Variants in VIRMA observed in about 807,000 individuals in gnomAD.
The protein encoded by VIRMA is vir like m6A methyltransferase associated.
VIRMA carries 65 observed loss-of-function variants against 182.4 expected under a neutral mutation model. That is an observed-to-expected ratio of 0.36 (90% CI 0.29 to 0.44). The LOEUF is 0.44. Among genes scored for constraint, VIRMA ranks in the 20% least tolerant of loss-of-function variants. VIRMA has a pLI of 1.00. For missense variants in VIRMA, 1,752 were observed against 2,158.1 expected, an observed-to-expected ratio of 0.81 and a Z score of 3.73; for synonymous variants, 709 against 743.1, an observed-to-expected ratio of 0.95 and a Z score of 0.75.
At chr8:94,518,172 A>C (rs1814627691) in intron 9 of VIRMA, among the ~76,000 whole-genome samples, 1 of 152,236 alleles carries the variant, frequency 6.6e-6, no homozygotes, top group African/African-American at 2.4e-5. Context: ...ATGGAAAGTA[A>C]AATTCTATTA....
At chr8:94,499,708 A>G (rs1010024554) in intron 16 of VIRMA, among the ~76,000 whole-genome samples, 2 of 152,154 alleles carry the variant, frequency 1.3e-5, no homozygotes, top group African/African-American at 2.4e-5. Context: ...GCTAAGCTTC[A>G]AGATCTTAAA....
chr8:94,512,895 G>GTCTA (rs1814426963), intron 11 of VIRMA, among the ~76,000 whole-genome samples: 1 of 152,204 alleles, frequency 6.6e-6, no homozygotes, highest in South Asian at 2.1e-4. Flanking sequence ...TACCAACAGA[G>GTCTA]TCTAGTATTG....
intron 15 of VIRMA, among the ~76,000 whole-genome samples, chr8:94,509,173 G>A (rs192157919): frequency 1.8e-3 from 274 of 152,236 alleles, no homozygotes; most frequent in African/African-American, 6.4e-3. Flanking sequence ...GGCCGAGGCA[G>A]GTGGATCACC....
chr8:94,538,596 C>T (rs1042074564), intron 2 of VIRMA, among the ~76,000 whole-genome samples: 4 of 151,988 alleles, frequency 2.6e-5, no homozygotes, highest in Non-Finnish European at 4.4e-5. Flanking sequence ...TTTTTGCATG[C>T]TATCACTATT....
chr8:94,535,152 C>G (rs1815296578), intron 4 of VIRMA, 145 bp from the exon 5 acceptor site: 1 of 1,231,706 alleles, frequency 8.1e-7, no homozygotes, highest in Non-Finnish European at 1.1e-6. Flanking sequence ...TGAAATTTAC[C>G]TAGGCACAGC....
chr8:94,510,312 T>C (rs1814318444), intron 14 of VIRMA, 105 bp downstream of exon 14: 1 of 764,426 alleles, frequency 1.3e-6, no homozygotes, highest in Admixed American at 2.3e-5. Flanking sequence ...TACATGTATA[T>C]ATGTTATCTG....
chr8:94,529,260 C>G lies in VIRMA; in HGVS notation c.690G>C (p.Gln230His). Residue 230 changes from glutamine (Q) to histidine (H), a missense_variant, in exon 7 of 24, where the codon CAG becomes CAC. By Grantham distance (24) the Gln-to-His change is conservative (BLOSUM62 0). Around this residue, in one of 11 missense-constraint regions of VIRMA, gnomAD observed 114 missense variants for 106.9 expected, o/e 1.07. Transcript: ENST00000297591. ...PISPDRNSVP[Q>H]EGQYSDEGEV... ...CTCCTTCATCAGAATATTGCCCTTC[C>G]TGGGGAACAGAATTCCGATCAGGAG... 6.2e-7 allele frequency: 1 copy of G among 1,611,470 alleles called. No individual in the cohort carries two copies. Among genetic ancestry groups the G allele is most frequent in the Non-Finnish European group, 8.5e-7 (1 of 1,177,684 alleles).
Position 94,495,791 on chromosome 8 carries a change from T to A in VIRMA, c.4484A>T (p.Asp1495Val), listed in dbSNP as rs566504056. Reference sequence around the variant, plus strand: ...TGAAAGTACTGGTTCTACATCCTGGTCACTGAGAGGTAAAGGGTCACCTGA... The same window carrying A: ...TGAAAGTACTGGTTCTACATCCTGGACACTGAGAGGTAAAGGGTCACCTGA... The part of the protein sequence containing the change: ...ESSGDPLPLS[D>V]QDVEPVLSAP... Residue 1495 changes from aspartate (D) to valine (V), a missense_variant, in exon 19 of 24, where the codon GAC becomes GTC. Physicochemically the swap from Asp to Val is radical, Grantham distance 152 (BLOSUM62 -3). This residue lies in a region of VIRMA where 777 missense variants were observed against 920.6 expected (regional missense o/e 0.84). Transcript: ENST00000297591. 1.2e-6 allele frequency: 2 copies of A among 1,614,032 alleles called. No individual in the cohort carries two copies. The highest frequency in any genetic ancestry group is 2.2e-5 in the South Asian group (2 of 91,080).
At chr8:94,494,736 G>T in intron 20 of VIRMA, 124 bp downstream of exon 20, 4 of 582,692 alleles carry the variant, frequency 6.9e-6, no homozygotes, top group East Asian at 3.5e-5. Context: ...TAAAAATAAT[G>T]TAGGACTTGC....
In VIRMA at chr8:94,511,334, T is replaced by C. The variant is rs1296748467; in HGVS notation, c.3241A>G (p.Ile1081Val). The change falls in exon 13 of 24, where the codon ATC (isoleucine) becomes GTC (valine). Residue 1081 changes from isoleucine (I) to valine (V), a missense_variant. Physicochemically the swap from Ile to Val is conservative, Grantham distance 29. This residue lies in a region of VIRMA where 777 missense variants were observed against 920.6 expected (regional missense o/e 0.84). Transcript: ENST00000297591. ...FTQGVNEKLT[I>V]SEETLANNTW... is the part of the protein sequence containing the mutation. The stretch of plus-strand genomic sequence containing the variant: ...TTATTGGCCAGAGTCTCTTCTGAGA[T>C]TGTGAGTTTTTCATTAACTCCTTGT... 4 of 1,613,734 alleles carry C rather than the reference T, an allele frequency of 2.5e-6. No homozygotes were observed. Among genetic ancestry groups the C allele is most frequent in the East Asian group, 2.2e-5 (1 of 44,866 alleles).
Position 94,511,991 on chromosome 8 carries a change from A to G in VIRMA, c.2845+5T>C. On this transcript the variant is annotated splice_donor_5th_base_variant and intron_variant, in intron 12 of 23. Transcript: ENST00000297591. ...GTAGTTTTTAAAATACAGTAGCCAC[A>G]TTACCTTCAACAGGAGGTGGTGGGC... 6.6e-7 allele frequency: 1 copy of G among 1,505,918 alleles called. No homozygotes were observed. The highest frequency in any genetic ancestry group is 8.9e-7 in the Non-Finnish European group (1 of 1,119,690). 93.3% of individuals were successfully genotyped at this position (1,505,918 alleles called of 1,614,324 possible). A position where few individuals can be genotyped will look rare whatever the true frequency, so the allele number is the denominator to read the frequency against.
Position 94,510,067 on chromosome 8 carries a change from T to C in VIRMA, c.3627-127A>G, listed in dbSNP as rs1313233428. The C allele has an allele frequency of 5.0e-5, 41 of 819,094 alleles. No homozygotes were observed. In the East Asian group the frequency reaches 9.2e-4, roughly 18 times the overall value. The allele number at this position is 819,094 out of a possible 1,614,324, so 50.7% of individuals were successfully genotyped here. ...CATAAAACATTTAATTCCTTGGGTA[T>C]AATGACAAATTCTCTGGAATTTTAC... On this transcript the variant is annotated intron_variant, in intron 14 of 23. Transcript: ENST00000297591.
intron 22 of VIRMA, among the ~76,000 whole-genome samples, chr8:94,490,987 T>G (rs964177729): frequency 1.3e-5 from 2 of 151,782 alleles, no homozygotes; most frequent in African/African-American, 4.8e-5. Flanking sequence ...AATGTAAGGG[T>G]ATTACTCAGA....
chr8:94,496,340 C>T lies in VIRMA; in HGVS notation c.4371G>A (p.Glu1457=). ...TTTTCTTTTTTACCAAAACAAGCTT[C>T]TCTAGTTCAAGGAACAAATTTTCTG... ...ESPENLFLEL[E]KLVLEHSKDD... The change falls in exon 18 of 24, where the codon GAG becomes GAA. Residue 1457 remains glutamate (E), a synonymous_variant. Coordinates refer to ENST00000297591, the MANE Select transcript of VIRMA (RefSeq NM_015496.5). 1.9e-6 allele frequency: 3 copies of T among 1,610,772 alleles called. No individual in the cohort carries two copies. The highest frequency in any genetic ancestry group is 2.5e-6 in the Non-Finnish European group (3 of 1,179,206).
intron 22 of VIRMA, among the ~76,000 whole-genome samples, 191 bp downstream of exon 22, chr8:94,491,387 G>A (rs1424576351): frequency 6.6e-6 from 1 of 151,914 alleles, no homozygotes; most frequent in Non-Finnish European, 1.5e-5. Context: ...TGCATGAAAG[G>A]TTCATTGAAA....
In VIRMA at chr8:94,506,734, A is replaced by AG; in HGVS notation, c.3880-18_3880-17insC. 6.4e-7 allele frequency: 1 copy of AG among 1,552,872 alleles called. No individual in the cohort carries two copies. The highest frequency in any genetic ancestry group is 1.4e-5 in the African/African-American group (1 of 73,098). On this transcript the variant is annotated splice_polypyrimidine_tract_variant and intron_variant, in intron 15 of 23. Coordinates refer to ENST00000297591, the MANE Select transcript of VIRMA (RefSeq NM_015496.5). ...TGCAATGTCCTGTGGGGAGCAGGGA[A>AG]AAAAAAATCGATTTTTTAAATAATT...
rs150645423 is a variant in VIRMA, at chr8:94,538,285, C to A, written c.241G>T (p.Ala81Ser). Residue 81 changes from alanine to serine, a missense_variant, in exon 3 of 24, where the codon GCC becomes TCC. By Grantham distance (99) the Ala-to-Ser change is moderately conservative (BLOSUM62 1). This residue lies in a region of VIRMA where 195 missense variants were observed against 191.7 expected (regional missense o/e 1.02). Coordinates refer to ENST00000297591, the MANE Select transcript of VIRMA (RefSeq NM_015496.5). Reference protein sequence around the residue: ...LFFNNVSKPSAPVFDRLGSLE... With the variant: ...LFFNNVSKPSSPVFDRLGSLE... ...CTTCCCAACCTATCGAAAACAGGGG[C>A]ACTTGGTTTGCTTACATTGTTGAAG... The A allele has an allele frequency of 1.2e-6, 2 of 1,613,212 alleles. No individual in the cohort carries two copies. The highest frequency in any genetic ancestry group is 8.5e-7 in the Non-Finnish European group (1 of 1,179,290).
chr8:94,534,777 A>T lies in VIRMA; in HGVS notation c.484+62T>A, dbSNP rs200663349. 3.0e-3 allele frequency: 4,085 copies of T among 1,366,650 alleles called. 15 individuals carry two copies. The highest frequency in any genetic ancestry group is 0.025 in the African/African-American group (1,719 of 67,802). 84.7% of individuals were successfully genotyped at this position (1,366,650 alleles called of 1,614,324 possible). A position where few individuals can be genotyped will look rare whatever the true frequency, so the allele number is the denominator to read the frequency against. ...AAGGTAAAAGAGTGCTCTTCGAATT[A>T]TTTTTTTTTTTTAAACCACGGATAT... is the stretch of plus-strand genomic sequence containing the variant. On this transcript the variant is annotated intron_variant, in intron 5 of 23. Coordinates refer to ENST00000297591, the MANE Select transcript of VIRMA (RefSeq NM_015496.5).
chr8:94,552,509 CAAAG>C (rs1226005993), intron 1 of VIRMA, among the ~76,000 whole-genome samples: 2 of 150,562 alleles, frequency 1.3e-5, no homozygotes, highest in African/African-American at 4.9e-5. Context: ...AAATAATCTC[CAAAG>C]AAAGAACAGT....
Sources: gnomAD v4.1 joint callset for allele counts (sites outside exome capture counted in the v4.1 genomes callset) on GRCh38, gnomAD v4.1.1 for gene constraint, gnomAD v4.1.1 regional missense constraint, MANE v1.5 for transcripts, NCBI Gene and HGNC (gene_info 2026-07-23, HGNC 2026-07-21) for gene names.